The following TOX3 variants were observed in gnomAD, a reference collection of about 807,000 sequenced individuals.
TOX3 encodes the protein TOX high mobility group box family member 3.
A neutral mutation model predicts 64.3 loss-of-function variants in TOX3; 22 were observed. The ratio of observed to expected loss-of-function variants is 0.34; its 90% CI spans 0.24 to 0.49. The LOEUF (loss-of-function observed/expected upper bound fraction) is 0.49. Ranked by LOEUF, TOX3 falls within the 20% of genes least tolerant of loss-of-function variation. The pLI is 0.99. For missense variants in TOX3, 661 were observed against 714.4 expected, an observed-to-expected ratio of 0.93 and a Z score of 0.85; for synonymous variants, 291 against 273.6, an observed-to-expected ratio of 1.06 and a Z score of -0.63.
In TOX3 at chr16:52,450,484, G is replaced by A. The variant is rs771494789; in HGVS notation, c.471C>T (p.Ile157=). Residue 157 remains isoleucine, a synonymous_variant, in exon 4 of 7, where the codon ATC becomes ATT. Coordinates refer to ENST00000219746, the MANE Select transcript of TOX3 (RefSeq NM_001080430.4). ...AACGCGCAGCATCGGTCATGTGGAC[G>A]ATGGACCGCATGATCAGGGAGGGAT... is the stretch of plus-strand genomic sequence containing the variant. ...RQDPSLIMRS[I]VHMTDAARSG... is the part of the protein sequence containing the mutation. 13 of 1,613,918 alleles carry A rather than the reference G, an allele frequency of 8.1e-6. No individual in the cohort carries two copies. Among genetic ancestry groups the A allele is most frequent in the Admixed American group, 6.7e-5 (4 of 60,006 alleles).
At chr16:52,451,640 A>G (rs879291940) in intron 3 of TOX3, among the ~76,000 whole-genome samples, 1 of 152,138 alleles carries the variant, frequency 6.6e-6, no homozygotes, top group Non-Finnish European at 1.5e-5. Flanking sequence ...AGTCCTTCCG[A>G]TAAGGCTTAT....
chr16:52,523,084 G>A (rs191448237), intron 1 of TOX3, among the ~76,000 whole-genome samples: 1 of 152,330 alleles, frequency 6.6e-6, no homozygotes, highest in African/African-American at 2.4e-5. Flanking sequence ...GAAAACGGAA[G>A]CAAGGCAGGA....
chr16:52,439,545 G>C lies in TOX3; in HGVS notation c.1411C>G (p.Gln471Glu). The C allele has an allele frequency of 4.0e-6, 6 of 1,484,908 alleles. No homozygotes were observed. Among genetic ancestry groups the C allele is most frequent in the Non-Finnish European group, 5.5e-6 (6 of 1,083,014 alleles). The allele number at this position is 1,484,908 out of a possible 1,614,324, so 92.0% of individuals were successfully genotyped here. The change falls in exon 7 of 7, where the codon CAG becomes GAG. Residue 471 changes from glutamine to glutamate, a missense_variant. Physicochemically the swap from Gln to Glu is conservative, Grantham distance 29. Around this residue, in one of 3 missense-constraint regions of TOX3, gnomAD observed 299 missense variants for 292.1 expected, o/e 1.02. Coordinates refer to ENST00000219746, the MANE Select transcript of TOX3 (RefSeq NM_001080430.4). ...QQQLQQHQMHQQIQQQMQQQH... is the reference protein window; with the variant it reads ...QQQLQQHQMHEQIQQQMQQQH... ...TGCTGCATCTGCTGCTGGATTTGCTGATGCATTTGGTGCTGCTGGAGTTGC... is the reference window on the plus strand; with the variant it reads ...TGCTGCATCTGCTGCTGGATTTGCTCATGCATTTGGTGCTGCTGGAGTTGC...
chr16:52,496,868 A>G (rs569564725), intron 1 of TOX3, among the ~76,000 whole-genome samples: 1 of 152,100 alleles, frequency 6.6e-6, no homozygotes, highest in South Asian at 2.1e-4. Flanking sequence ...AACCTGGGGA[A>G]AAAAAAACAG....
At position 52,483,781 on chromosome 16, in the gene TOX3, C is replaced by T. The variant is rs190974804; in HGVS notation, c.88-15207G>A. 4.8e-5 allele frequency among the ~76,000 whole-genome samples: 6 copies of T among 125,862 alleles called. No homozygotes were observed. The East Asian group carries it at 1.7e-3, about 36-fold the overall frequency. The allele number at this position is 125,862 out of a possible 152,430, so 82.6% of individuals were successfully genotyped here. On this transcript the variant is annotated intron_variant, in intron 1 of 6. Coordinates refer to ENST00000219746, the MANE Select transcript of TOX3 (RefSeq NM_001080430.4). ...ACAGGGTTTCACCATGTTGGTCAGG[C>T]TGGTCTCAAACTCCTGACCTCAGTG...
chr16:52,542,417 A>AT (rs1963093639), intron 1 of TOX3, among the ~76,000 whole-genome samples: 1 of 152,240 alleles, frequency 6.6e-6, no homozygotes, highest in Non-Finnish European at 1.5e-5. Context: ...CCACATAATG[A>AT]TTTTAATTAT....
At chr16:52,504,193 G>A (rs1303618562) in intron 1 of TOX3, among the ~76,000 whole-genome samples, 5 of 151,968 alleles carry the variant, frequency 3.3e-5, no homozygotes, top group South Asian at 2.1e-4. Flanking sequence ...AAGGCCAGGC[G>A]CGGTGGCTCA....
intron 1 of TOX3, among the ~76,000 whole-genome samples, chr16:52,488,705 T>A (rs976754412): frequency 6.6e-6 from 1 of 152,196 alleles, no homozygotes; most frequent in Non-Finnish European, 1.5e-5. Flanking sequence ...TGTCCTCAAA[T>A]CTATGATTGA....
At chr16:52,469,033 T>C (rs913188933) in intron 1 of TOX3, among the ~76,000 whole-genome samples, 2 of 152,190 alleles carry the variant, frequency 1.3e-5, no homozygotes, top group Non-Finnish European at 2.9e-5. Context: ...TTCCCAGGAC[T>C]CAAATTCTAT....
intron 3 of TOX3, among the ~76,000 whole-genome samples, chr16:52,461,345 A>G (rs887567249): frequency 1.3e-5 from 2 of 152,292 alleles, no homozygotes; most frequent in South Asian, 4.1e-4. Context: ...TTTTTCAGCA[A>G]TTCGCTTTTG....
Position 52,438,268 on chromosome 16 carries a change from C to T in TOX3, c.*957G>A, listed in dbSNP as rs1959812876. ...TACGTTAAAGCCTCATTTAGGAAAACTTTACAGCACATGATATGAAAACTT... is the reference window on the plus strand; with the variant it reads ...TACGTTAAAGCCTCATTTAGGAAAATTTTACAGCACATGATATGAAAACTT... On this transcript the variant is annotated 3_prime_UTR_variant, in exon 7 of 7. Transcript: ENST00000219746. 6.6e-6 allele frequency: 1 copy of T among 152,578 alleles called. No individual in the cohort carries two copies. Among genetic ancestry groups the T allele is most frequent in the African/African-American group, 2.4e-5 (1 of 41,432 alleles). The allele number at this position is 152,578 out of a possible 1,614,324, so 9.5% of individuals were successfully genotyped here.
At chr16:52,515,423 T>A (rs1009135962) in intron 1 of TOX3, among the ~76,000 whole-genome samples, 3 of 152,246 alleles carry the variant, frequency 2.0e-5, no homozygotes, top group African/African-American at 7.2e-5. Flanking sequence ...TCTTATTTTC[T>A]GAGGTTACAT....
intron 1 of TOX3, chr16:52,519,639 A>T: frequency 7.2e-7 from 1 of 1,384,628 alleles, no homozygotes; most frequent in Non-Finnish European, 9.4e-7. Flanking sequence ...CACACTGAGA[A>T]GACATCACTT....
At chr16:52,447,681 C>A (rs2151744034) in intron 4 of TOX3, among the ~76,000 whole-genome samples, 1 of 152,266 alleles carries the variant, frequency 6.6e-6, no homozygotes, top group Non-Finnish European at 1.5e-5. Flanking sequence ...AGCCCATAGT[C>A]TTTTTTCTAA....
At chr16:52,519,365 T>C (rs1362873055) in intron 1 of TOX3, 2 of 1,537,878 alleles carry the variant, frequency 1.3e-6, no homozygotes, top group African/African-American at 1.4e-5. Context: ...GGTTAGCCTG[T>C]CCAGATCCAT....
At chr16:52,491,377 C>G (rs1961683012) in intron 1 of TOX3, among the ~76,000 whole-genome samples, 1 of 152,064 alleles carries the variant, frequency 6.6e-6, no homozygotes, top group Non-Finnish European at 1.5e-5. Context: ...TGTGAGCGCC[C>G]CCAGTAGACA....
intron 1 of TOX3, among the ~76,000 whole-genome samples, chr16:52,472,139 C>T (rs117123526): frequency 2.1e-3 from 324 of 152,256 alleles, no homozygotes; most frequent in South Asian, 4.8e-3. Flanking sequence ...TCACGATGCT[C>T]GCTATAAAGT....
intron 3 of TOX3, among the ~76,000 whole-genome samples, chr16:52,450,769 A>G (rs1407142996): frequency 6.7e-6 from 1 of 149,582 alleles, no homozygotes; most frequent in East Asian, 2.0e-4. Context: ...AGAATATTTC[A>G]TTATAGAACT....
intron 1 of TOX3, among the ~76,000 whole-genome samples, chr16:52,526,959 C>A (rs900404869): frequency 1.3e-5 from 2 of 152,176 alleles, no homozygotes; most frequent in African/African-American, 2.4e-5. Context: ...CTCCTACACA[C>A]CAGGCACAGT....
Sources: gnomAD v4.1 joint callset for allele counts (sites outside exome capture counted in the v4.1 genomes callset) on GRCh38, gnomAD v4.1.1 for gene constraint, gnomAD v4.1.1 regional missense constraint, MANE v1.5 for transcripts, NCBI Gene and HGNC (gene_info 2026-07-23, HGNC 2026-07-21) for gene names.